The following ADAM23 variants were observed in gnomAD, a reference collection of about 807,000 sequenced individuals.
The protein encoded by ADAM23 is disintegrin and metalloproteinase domain-containing protein 23.
In ADAM23, 33 loss-of-function variants were observed where a neutral mutation model predicts 120.1. The observed-to-expected ratio is 0.27, with a 90% CI of 0.21 to 0.37. ADAM23 has a LOEUF of 0.37. Among genes scored for constraint, ADAM23 ranks in the 10% least tolerant of loss-of-function variants. The pLI is 1.00. For missense variants in ADAM23, 862 were observed against 1,058.2 expected, an observed-to-expected ratio of 0.81 and a Z score of 2.57; for synonymous variants, 367 against 375.2, an observed-to-expected ratio of 0.98 and a Z score of 0.25.
At chr2:206,518,007 A>G (rs1053250360) in intron 3 of ADAM23, among the ~76,000 whole-genome samples, 5 of 152,210 alleles carry the variant, frequency 3.3e-5, no homozygotes, top group Admixed American at 6.5e-5. Flanking sequence ...CTTTTGATCC[A>G]AACACTGCAA....
chr2:206,443,843 A>AGCG lies in ADAM23; in HGVS notation c.-20_-18dup. The stretch of plus-strand genomic sequence containing the variant: ...CCCGGCGCTCTCGCCGGCCACACGG[A>AGCG]GCGGCGCCCGGGAGCTATGAGCCAT... On this transcript the variant is annotated 5_prime_UTR_variant, in exon 1 of 26. Coordinates refer to ENST00000264377, the MANE Select transcript of ADAM23 (RefSeq NM_003812.4). The AGCG allele has an allele frequency of 1.8e-6, 2 of 1,097,726 alleles. No individual in the cohort carries two copies. Among genetic ancestry groups the AGCG allele is most frequent in the Non-Finnish European group, 2.2e-6 (2 of 903,860 alleles). The allele number at this position is 1,097,726 out of a possible 1,614,324, so 68.0% of individuals were successfully genotyped here. A position where few individuals can be genotyped will look rare whatever the true frequency, so the allele number is the denominator to read the frequency against.
chr2:206,496,178 C>G (rs1235250214), intron 3 of ADAM23, among the ~76,000 whole-genome samples: 1 of 152,058 alleles, frequency 6.6e-6, no homozygotes, highest in Non-Finnish European at 1.5e-5. Flanking sequence ...AACTCTACAC[C>G]CCAAATCAAC....
At chr2:206,497,412 T>C (rs1313299013) in intron 3 of ADAM23, among the ~76,000 whole-genome samples, 1 of 152,286 alleles carries the variant, frequency 6.6e-6, no homozygotes, top group East Asian at 1.9e-4. Flanking sequence ...CACATGATTA[T>C]CTCAATAGAT....
In ADAM23 at chr2:206,577,137, A is replaced by G. The variant is rs114631272; in HGVS notation, c.1737+3942A>G. On this transcript the variant is annotated intron_variant, in intron 18 of 25. Coordinates refer to ENST00000264377, the MANE Select transcript of ADAM23 (RefSeq NM_003812.4). The stretch of plus-strand genomic sequence containing the variant: ...CCCAGAGAACATAGTACATTCCCTA[A>G]TTTCCCTCGTTAAACATTCCCATGA... Among the ~76,000 whole-genome samples the G allele has an allele frequency of 5.8e-3, 889 of 152,186 alleles. 10 individuals carry two copies. The highest frequency in any genetic ancestry group is 0.021 in the African/African-American group (855 of 41,546).
chr2:206,446,079 T>C (rs140894341), intron 2 of ADAM23, among the ~76,000 whole-genome samples: 2 of 152,344 alleles, frequency 1.3e-5, no homozygotes, highest in Non-Finnish European at 2.9e-5. Context: ...TTAAAAAGAT[T>C]ATGGTGACTA....
intron 13 of ADAM23, among the ~76,000 whole-genome samples, chr2:206,563,587 G>T (rs1344668262): frequency 6.6e-6 from 1 of 152,176 alleles, no homozygotes; most frequent in Non-Finnish European, 1.5e-5. Flanking sequence ...CCAGGTTTAT[G>T]CCCTTGTTTA....
chr2:206,515,489 G>A (rs193104410), intron 3 of ADAM23, among the ~76,000 whole-genome samples: 435 of 152,062 alleles, frequency 2.9e-3, no homozygotes, highest in South Asian at 0.011. Context: ...TCCTTCCATA[G>A]AAAAAAACAG....
At chr2:206,491,165 C>A (rs1283172404) in intron 3 of ADAM23, among the ~76,000 whole-genome samples, 1 of 151,966 alleles carries the variant, frequency 6.6e-6, no homozygotes, top group African/African-American at 2.4e-5. Context: ...TGCCCCTACC[C>A]CTGCTTGCCT....
At chr2:206,536,118 C>T (rs1420174237) in intron 4 of ADAM23, among the ~76,000 whole-genome samples, 3 of 152,178 alleles carry the variant, frequency 2.0e-5, no homozygotes, top group Non-Finnish European at 4.4e-5. Context: ...ATTCATTAAA[C>T]AAATATGGTT....
intron 18 of ADAM23, among the ~76,000 whole-genome samples, chr2:206,581,818 G>A (rs1698223285): frequency 6.6e-6 from 1 of 152,168 alleles, no homozygotes; most frequent in Admixed American, 6.5e-5. Flanking sequence ...TGTCAGTGGA[G>A]TATTGAAGTC....
At chr2:206,552,759 TC>T (rs1255233697) in intron 9 of ADAM23, among the ~76,000 whole-genome samples, 2 of 152,116 alleles carry the variant, frequency 1.3e-5, no homozygotes. Context: ...CCTCCGCAGC[TC>T]AAGTGATCCT....
chr2:206,596,203 C>G, intron 24 of ADAM23, 41 bp downstream of exon 24: 1 of 1,444,300 alleles, frequency 6.9e-7, no homozygotes. Context: ...ATACTGAATT[C>G]GTTGACACTG....
chr2:206,448,919 T>G (rs937200640), intron 2 of ADAM23, among the ~76,000 whole-genome samples: 1 of 152,190 alleles, frequency 6.6e-6, no homozygotes, highest in African/African-American at 2.4e-5. Context: ...GCAAATTAAT[T>G]TAAGGGAATT....
chr2:206,584,175 C>T (rs1046301306), intron 18 of ADAM23, among the ~76,000 whole-genome samples: 2 of 152,144 alleles, frequency 1.3e-5, no homozygotes, highest in Non-Finnish European at 2.9e-5. Flanking sequence ...CAGGCTGGTA[C>T]TGGGGGTTGT....
At chr2:206,512,849 C>T (rs1246546910) in intron 3 of ADAM23, among the ~76,000 whole-genome samples, 1 of 152,158 alleles carries the variant, frequency 6.6e-6, no homozygotes, top group Non-Finnish European at 1.5e-5. Context: ...GCTCACTTCT[C>T]TGTCTGTGTC....
At chr2:206,585,453 A>C (rs1698303481) in intron 18 of ADAM23, among the ~76,000 whole-genome samples, 1 of 152,206 alleles carries the variant, frequency 6.6e-6, no homozygotes, top group Admixed American at 6.5e-5. Flanking sequence ...TATGAGAGTC[A>C]GTTATTCTTT....
chr2:206,487,782 A>G (rs1277183791), intron 3 of ADAM23, among the ~76,000 whole-genome samples: 2 of 152,204 alleles, frequency 1.3e-5, no homozygotes, highest in African/African-American at 4.8e-5. Context: ...GTTCCTTCTT[A>G]ATAGAACGCT....
Position 206,604,681 on chromosome 2 carries a change from A to G in ADAM23, c.2360-5229A>G, listed in dbSNP as rs138632727. Among the ~76,000 whole-genome samples the G allele has an allele frequency of 1.2e-4, 18 of 152,232 alleles. No individual in the cohort carries two copies. The East Asian group carries it at 3.5e-3, about 29-fold the overall frequency. Reference sequence around the variant, plus strand: ...ATACAGTTAATTAACAGGGTTAGAAATCCAAGATTCTTTCTCTTCCTCTGG... The same window carrying G: ...ATACAGTTAATTAACAGGGTTAGAAGTCCAAGATTCTTTCTCTTCCTCTGG... On this transcript the variant is annotated intron_variant, in intron 24 of 25. Transcript: ENST00000264377.
rs116226184 is a variant in ADAM23, at chr2:206,521,974, G to A, written c.510-8911G>A. Reference sequence around the variant, plus strand: ...TCTCTTTCATTATTTTAATTCACAGGTATTTTATTGCTAGTGCAGCTGTAG... The same window carrying A: ...TCTCTTTCATTATTTTAATTCACAGATATTTTATTGCTAGTGCAGCTGTAG... On this transcript the variant is annotated intron_variant, in intron 3 of 25. Coordinates refer to ENST00000264377, the MANE Select transcript of ADAM23 (RefSeq NM_003812.4). Among the ~76,000 whole-genome samples, 521 of 152,126 alleles carry A rather than the reference G, an allele frequency of 3.4e-3. 3 individuals are homozygous for A. Among genetic ancestry groups the A allele is most frequent in the African/African-American group, 0.012 (489 of 41,500 alleles).
Sources: allele counts gnomAD v4.1 joint callset (sites outside exome capture counted in the v4.1 genomes callset), GRCh38; gene constraint gnomAD v4.1.1; transcripts MANE v1.5; gene names NCBI Gene and HGNC (gene_info 2026-07-23, HGNC 2026-07-21).